Variants in ZBBX observed in about 807,000 individuals in gnomAD.
ZBBX encodes the protein zinc finger B-box domain-containing protein 1.
Under a neutral mutation model 108.5 loss-of-function variants are expected in ZBBX, and 101 were observed. That is an observed-to-expected ratio of 0.93 (90% confidence interval 0.79 to 1.10). ZBBX has a LOEUF of 1.10. Ranked by LOEUF, ZBBX falls within the 50% of genes least tolerant of loss-of-function variation. The pLI, the probability that ZBBX is intolerant of heterozygous loss-of-function variation, is 0.00. For synonymous variants in ZBBX, 356 were observed against 323.4 expected (o/e 1.10, Z -1.08); for missense variants, 1,009 against 941.4 (o/e 1.07, Z -0.94).
chr3:167,292,779 A>G (rs925513883), intron 18 of ZBBX, among the ~76,000 whole-genome samples: 10 of 152,186 alleles, frequency 6.6e-5, no homozygotes, highest in African/African-American at 2.2e-4. Context: ...ATTTGAAAAG[A>G]CCAACAAAGT....
the ZBBX span, among the ~76,000 whole-genome samples, chr3:167,182,972 G>A: frequency 5.9e-5 from 9 of 152,242 alleles, no homozygotes; most frequent in East Asian, 3.9e-4. Flanking sequence ...ATTCCTGCCC[G>A]AATAGAATTG....
chr3:167,395,043 A>ATG (rs1748186804), intron 1 of ZBBX, among the ~76,000 whole-genome samples: 1 of 151,974 alleles, frequency 6.6e-6, no homozygotes, highest in Non-Finnish European at 1.5e-5. Context: ...ATCCCAATTA[A>ATG]CTCTAATACA....
At chr3:167,208,379 G>A in the ZBBX span, among the ~76,000 whole-genome samples, 2 of 152,204 alleles carry the variant, frequency 1.3e-5, no homozygotes, top group Non-Finnish European at 2.9e-5. Flanking sequence ...AAATGTCAGT[G>A]CAGCTCAAAG....
chr3:167,324,070 C>T (rs1002015541), intron 11 of ZBBX, among the ~76,000 whole-genome samples: 1 of 151,990 alleles, frequency 6.6e-6, no homozygotes, highest in Admixed American at 6.6e-5. Flanking sequence ...AAGAGATACA[C>T]AAAATCATCT....
chr3:167,308,825 G>A (rs1400393611), intron 16 of ZBBX, among the ~76,000 whole-genome samples: 1 of 152,084 alleles, frequency 6.6e-6, no homozygotes, highest in Non-Finnish European at 1.5e-5. Context: ...GGAGGGAGAG[G>A]AGCAGGAAAA....
At chr3:167,248,287 C>T (rs1271887446) in intron 20 of ZBBX, among the ~76,000 whole-genome samples, 4 of 152,224 alleles carry the variant, frequency 2.6e-5, no homozygotes, top group Non-Finnish European at 5.9e-5. Context: ...GGGTGCTTCT[C>T]ACCCACCACG....
the ZBBX span, among the ~76,000 whole-genome samples, chr3:167,219,231 G>A: frequency 2.0e-5 from 3 of 151,824 alleles, no homozygotes; most frequent in African/African-American, 4.8e-5. Flanking sequence ...AATCCAGACA[G>A]GAAATCCACA....
At position 167,291,075 on chromosome 3, in the gene ZBBX, G is replaced by A. The variant is rs141322489; in HGVS notation, c.1880-2092C>T. The stretch of plus-strand genomic sequence containing the variant: ...GACTGTGTGAAAAGACCAAATCTAC[G>A]TTTTATTGGTGTACCTCAAAGTGAC... On this transcript the variant is annotated intron_variant, in intron 18 of 21. Transcript: ENST00000675490. Among the ~76,000 whole-genome samples, 485 of 152,166 alleles carry A rather than the reference G, an allele frequency of 3.2e-3. 3 individuals carry two copies. Among genetic ancestry groups the A allele is most frequent in the African/African-American group, 0.011 (459 of 41,532 alleles).
At chr3:167,406,321 C>G (rs942550486) in intron 1 of ZBBX, among the ~76,000 whole-genome samples, 1 of 152,138 alleles carries the variant, frequency 6.6e-6, no homozygotes, top group South Asian at 2.1e-4. Context: ...TTTGGCACAG[C>G]GTTCTTAGTA....
the ZBBX span, among the ~76,000 whole-genome samples, chr3:167,227,093 T>C: frequency 6.6e-6 from 1 of 151,820 alleles, no homozygotes; most frequent in Non-Finnish European, 1.5e-5. Context: ...ATTTCTTTAG[T>C]ATCTCTAACT....
At chr3:167,195,582 C>T in the ZBBX span, among the ~76,000 whole-genome samples, 1 of 152,086 alleles carries the variant, frequency 6.6e-6, no homozygotes, top group African/African-American at 2.4e-5. Flanking sequence ...CATTTTTCTT[C>T]CTGGTAGGCA....
intron 1 of ZBBX, among the ~76,000 whole-genome samples, chr3:167,394,065 T>C (rs1748158592): frequency 6.6e-6 from 1 of 151,938 alleles, no homozygotes; most frequent in Non-Finnish European, 1.5e-5. Context: ...TCTGGATGTA[T>C]TCTCTTCCAA....
chr3:167,298,173 T>C (rs1029667027), intron 18 of ZBBX, 132 bp downstream of exon 18: 6 of 601,206 alleles, frequency 1.0e-5, no homozygotes. Flanking sequence ...TAAATGTAAA[T>C]ATATGGCAAC....
At chr3:167,404,990 G>A (rs1748539895) in intron 1 of ZBBX, among the ~76,000 whole-genome samples, 1 of 152,130 alleles carries the variant, frequency 6.6e-6, no homozygotes, top group South Asian at 2.1e-4. Context: ...TGGTCACTTA[G>A]ATGTCTGATA....
chr3:167,344,291 A>G (rs575801891), intron 9 of ZBBX, among the ~76,000 whole-genome samples: 2 of 151,996 alleles, frequency 1.3e-5, no homozygotes, highest in East Asian at 3.9e-4. Context: ...AATTATGCTA[A>G]TAGTTTCACT....
chr3:167,191,934 T>TATATAGAGAGAGAGAGAGAGAGAGAG, the ZBBX span, among the ~76,000 whole-genome samples: 10 of 130,220 alleles, frequency 7.7e-5, no homozygotes, highest in African/African-American at 3.0e-4. Context: ...TATATATATA[T>TATATAGAGAGAGAGAGAGAGAGAGAG]AGAGCAAGTT....
rs754518147 is a variant in ZBBX, at chr3:167,240,773, C to G, written c.*20G>C. 6.2e-7 allele frequency: 1 copy of G among 1,607,126 alleles called. No individual in the cohort carries two copies. ...CTTTACTCTGGGTACAAAATGGAAA[C>G]AGTAATGAACAAATAATCTTTAAGT... is the stretch of plus-strand genomic sequence containing the variant. On this transcript the variant is annotated 3_prime_UTR_variant, in exon 22 of 22. Coordinates refer to ENST00000675490, the MANE Select transcript of ZBBX (RefSeq NM_001199201.2).
At chr3:167,290,466 G>C (rs1256548330) in intron 18 of ZBBX, among the ~76,000 whole-genome samples, 2 of 152,274 alleles carry the variant, frequency 1.3e-5, no homozygotes, top group Non-Finnish European at 1.5e-5. Flanking sequence ...AGAGGAGCTG[G>C]ACTGTTAGAA....
At chr3:167,397,511 C>T (rs1031059427) in intron 1 of ZBBX, among the ~76,000 whole-genome samples, 2 of 151,840 alleles carry the variant, frequency 1.3e-5, no homozygotes, top group Non-Finnish European at 2.9e-5. Context: ...TGCCTGGTCT[C>T]ATATATTAAT....
Sources: gnomAD v4.1 joint callset for allele counts (sites outside exome capture counted in the v4.1 genomes callset) on GRCh38, gnomAD v4.1.1 for gene constraint, MANE v1.5 for transcripts, NCBI Gene and HGNC (gene_info 2026-07-23, HGNC 2026-07-21) for gene names.